CLASP2: variants seen among roughly 807,000 people sequenced by gnomAD.
The protein encoded by CLASP2 is CLIP-associating protein 2.
CLASP2 carries 47 observed loss-of-function variants against 194.4 expected under a neutral mutation model. The observed-to-expected ratio is 0.24, with a 90% CI of 0.19 to 0.31. The LOEUF is 0.31. CLASP2 is among the 10% of genes least tolerant of loss of function. The pLI is 1.00. For synonymous variants in CLASP2, 619 were observed against 633.5 expected (o/e 0.98, Z 0.34); for missense variants, 1,445 against 1,823.6 (o/e 0.79, Z 3.78).
intron 6 of CLASP2, among the ~76,000 whole-genome samples, chr3:33,675,854 T>C (rs1293069379): frequency 1.4e-5 from 2 of 146,948 alleles, no homozygotes; most frequent in Non-Finnish European, 3.0e-5. Flanking sequence ...GAGAATAAAA[T>C]ACCTAGGAAT....
chr3:33,709,952 A>C (rs1213690791), intron 1 of CLASP2, among the ~76,000 whole-genome samples: 1 of 152,234 alleles, frequency 6.6e-6, no homozygotes, highest in Admixed American at 6.5e-5. Flanking sequence ...TTACATTAAT[A>C]ATTTTTTTAA....
At chr3:33,536,492 C>A (rs1320086652) in intron 33 of CLASP2, among the ~76,000 whole-genome samples, 1 of 152,062 alleles carries the variant, frequency 6.6e-6, no homozygotes, top group Non-Finnish European at 1.5e-5. Context: ...CAGGAACGTG[C>A]ATAGTAAGTT....
intron 12 of CLASP2, among the ~76,000 whole-genome samples, chr3:33,618,191 G>A (rs1414296331): frequency 4.0e-5 from 6 of 151,762 alleles, no homozygotes; most frequent in Admixed American, 3.3e-4. Flanking sequence ...CAGTTGATCC[G>A]CCTGCCTTGG....
chr3:33,592,479 G>A lies in CLASP2; in HGVS notation c.1984C>T (p.Leu662Phe). ...CCCATGCCAGCAAGTGGTGCTGAAA[G>A]TTTTGCTCTCACCCGGCCTGAGAAA... ...ASEDGRVRAK[L>F]SAPLAGMGNA... Residue 662 changes from leucine to phenylalanine, a missense_variant, in exon 21 of 39, where the codon CTT (leucine) becomes TTT (phenylalanine). By Grantham distance (22) the Leu-to-Phe change is conservative. Transcript: ENST00000682230. 1 of 1,613,314 alleles carries A rather than the reference G, an allele frequency of 6.2e-7. No individual in the cohort carries two copies. The highest frequency in any genetic ancestry group is 8.5e-7 in the Non-Finnish European group (1 of 1,179,550).
At chr3:33,699,735 C>T (rs2092234390) in intron 1 of CLASP2, among the ~76,000 whole-genome samples, 1 of 151,360 alleles carries the variant, frequency 6.6e-6, no homozygotes, top group Non-Finnish European at 1.5e-5. Context: ...GTATAATAAC[C>T]ATAACAATAT....
chr3:33,595,031 C>T, intron 19 of CLASP2, 63 bp from the exon 20 acceptor site: 3 of 1,007,216 alleles, frequency 3.0e-6, no homozygotes, highest in Non-Finnish European at 4.2e-6. Flanking sequence ...TAAGACCTAC[C>T]TCACAGTCCC....
At chr3:33,634,032 G>T (rs2079621775) in intron 8 of CLASP2, among the ~76,000 whole-genome samples, 1 of 151,996 alleles carries the variant, frequency 6.6e-6, no homozygotes, top group South Asian at 2.1e-4. Context: ...TAAATAAAAA[G>T]AAATCCAAAC....
intron 9 of CLASP2, among the ~76,000 whole-genome samples, chr3:33,627,782 A>G (rs7372468): frequency 0.4 from 61,428 of 151,962 alleles, 12,735 homozygotes; most frequent in Admixed American, 0.51. Flanking sequence ...ACATAAGAGG[A>G]GGTTGACCTA....
intron 37 of CLASP2, 148 bp downstream of exon 37, chr3:33,510,410 T>G (rs976111675): frequency 1.0e-5 from 7 of 696,620 alleles, no homozygotes; most frequent in Non-Finnish European, 1.7e-5. Context: ...TATAACCCCC[T>G]GGCTAGTTAT....
chr3:33,659,139 AT>A, intron 7 of CLASP2: 2 of 1,412,150 alleles, frequency 1.4e-6, no homozygotes, highest in Non-Finnish European at 1.8e-6. Flanking sequence ...CTGCACCGCA[AT>A]AGCCAACAGC....
chr3:33,583,379 G>C (rs2066593215), intron 22 of CLASP2, among the ~76,000 whole-genome samples: 1 of 152,198 alleles, frequency 6.6e-6, no homozygotes, highest in Non-Finnish European at 1.5e-5. Flanking sequence ...TGTAAGGAAA[G>C]AGAATTCATC....
intron 8 of CLASP2, chr3:33,644,463 TA>T (rs1390961858): frequency 3.4e-5 from 12 of 357,348 alleles, no homozygotes; most frequent in Admixed American, 1.7e-4. Flanking sequence ...GTTCTCTGCT[TA>T]AAAAAAACAA....
At chr3:33,584,120 G>A (rs1259979213) in intron 22 of CLASP2, among the ~76,000 whole-genome samples, 2 of 152,064 alleles carry the variant, frequency 1.3e-5, no homozygotes, top group African/African-American at 4.8e-5. Context: ...TATTTGAATA[G>A]GGCTGAACTA....
At chr3:33,663,359 T>C in intron 7 of CLASP2, 86 bp downstream of exon 7, 1 of 900,926 alleles carries the variant, frequency 1.1e-6, no homozygotes, top group Non-Finnish European at 1.7e-6. Context: ...AATCAACTCT[T>C]TTGAATCAGT....
intron 6 of CLASP2, among the ~76,000 whole-genome samples, chr3:33,681,542 C>G (rs931087240): frequency 3.3e-5 from 5 of 152,116 alleles, no homozygotes; most frequent in Admixed American, 2.6e-4. Flanking sequence ...ACATGTTAAA[C>G]TATATACCAC....
intron 21 of CLASP2, chr3:33,592,132 A>G: frequency 1.4e-6 from 1 of 695,048 alleles, no homozygotes. Context: ...AGCCCTAATA[A>G]AACACCAAAG....
At chr3:33,557,283 C>A (rs541758102) in intron 29 of CLASP2, among the ~76,000 whole-genome samples, 1 of 152,196 alleles carries the variant, frequency 6.6e-6, no homozygotes, top group East Asian at 1.9e-4. Context: ...CTCACCCTTA[C>A]TTCTTAAGCT....
Position 33,707,545 on chromosome 3 carries a change from C to T in CLASP2, c.195+10263G>A, listed in dbSNP as rs369541645. ...ACTCTAATGAATTAACAGATCTAGA[C>T]ACTGAACGTTAATGGCCTCTAACAT... On this transcript the variant is annotated intron_variant, in intron 1 of 38. Transcript: ENST00000682230. Among the ~76,000 whole-genome samples the T allele has an allele frequency of 2.3e-4, 35 of 152,238 alleles. No individual in the cohort carries two copies. The South Asian group carries it at 5.4e-3, about 23-fold the overall frequency.
Position 33,535,349 on chromosome 3 carries a change from G to A in CLASP2, c.3671C>T (p.Ser1224Phe), listed in dbSNP as rs537339494. 2.5e-6 allele frequency: 4 copies of A among 1,613,862 alleles called. No homozygotes were observed. The highest frequency in any genetic ancestry group is 3.4e-6 in the Non-Finnish European group (4 of 1,179,836). ...ASLLHSMPTHSSPRSRDYNPY... is the reference protein window; with the variant it reads ...ASLLHSMPTHFSPRSRDYNPY... ...ATTATAGTCTCGAGAGCGTGGAGAG[G>A]AGTGAGTAGGCATTGAATGGAGCAA... The change falls in exon 34 of 39, where the codon TCC (serine) becomes TTC (phenylalanine). Residue 1224 changes from serine to phenylalanine, a missense_variant. Ser to Phe is a radical substitution (Grantham distance 155). Around this residue, in one of 4 missense-constraint regions of CLASP2, gnomAD observed 732 missense variants for 987.9 expected, o/e 0.74. Coordinates refer to ENST00000682230, the MANE Select transcript of CLASP2 (RefSeq NM_001365631.1).
Sources: allele counts gnomAD v4.1 joint callset (sites outside exome capture counted in the v4.1 genomes callset), GRCh38; gene constraint gnomAD v4.1.1; regional missense constraint gnomAD v4.1.1; transcripts MANE v1.5; gene names NCBI Gene and HGNC (gene_info 2026-07-23, HGNC 2026-07-21).